Variants in LDLRAD3 observed in about 807,000 individuals in gnomAD.
LDLRAD3 encodes the protein low-density lipoprotein receptor class A domain-containing protein 3.
In LDLRAD3, 20 loss-of-function variants were observed where a neutral mutation model predicts 29.4. The observed-to-expected ratio is 0.68, with a 90% CI of 0.48 to 0.99. LDLRAD3 has a LOEUF of 0.99. LDLRAD3 is among the 50% of genes least tolerant of loss of function. LDLRAD3 has a pLI of 0.00. For synonymous variants in LDLRAD3, 157 were observed against 192.7 expected (o/e 0.81, Z 1.53); for missense variants, 420 against 454.3 (o/e 0.92, Z 0.69).
At chr11:35,962,335 TCCA>T (rs10532209) in intron 1 of LDLRAD3, among the ~76,000 whole-genome samples, 56,418 of 151,636 alleles carry the variant, frequency 0.37, 10,565 homozygotes, top group East Asian at 0.55. Context: ...TCTTCAGAAT[TCCA>T]GGTATATTTT....
chr11:36,124,515 G>T (rs1853806817), intron 4 of LDLRAD3, among the ~76,000 whole-genome samples: 2 of 152,028 alleles, frequency 1.3e-5, no homozygotes, highest in African/African-American at 4.8e-5. Flanking sequence ...CTTAACCACG[G>T]CTCTCCCAAC....
At chr11:36,145,382 G>A (rs1161479689) in intron 4 of LDLRAD3, among the ~76,000 whole-genome samples, 1 of 92,598 alleles carries the variant, frequency 1.1e-5, no homozygotes. Context: ...GGAGGGAGGT[G>A]GGGGGGTCAG....
chr11:36,054,384 C>G (rs1479061177), intron 2 of LDLRAD3, among the ~76,000 whole-genome samples: 1 of 152,174 alleles, frequency 6.6e-6, no homozygotes, highest in East Asian at 1.9e-4. Flanking sequence ...ATTTTAAAAA[C>G]AAAACAGTAC....
intron 4 of LDLRAD3, among the ~76,000 whole-genome samples, chr11:36,120,275 T>C (rs7107244): frequency 0.43 from 65,882 of 151,922 alleles, 15,114 homozygotes; most frequent in Admixed American, 0.51. Flanking sequence ...TTTAAATGGT[T>C]AGATCTCTTC....
At position 36,077,936 on chromosome 11, in the gene LDLRAD3, C is replaced by T. The variant is rs144290538; in HGVS notation, c.194-3717C>T. Among the ~76,000 whole-genome samples the T allele has an allele frequency of 3.0e-4, 45 of 152,240 alleles. No homozygotes were observed. In the East Asian group the frequency reaches 5.4e-3, roughly 18 times the overall value. ...TCCTGCATCCGGGAAGAATGAGGTA[C>T]GCAGACAAGTGGAGGGTGAGCAAGA... On this transcript the variant is annotated intron_variant, in intron 2 of 5. Coordinates refer to ENST00000315571, the MANE Select transcript of LDLRAD3 (RefSeq NM_174902.4).
chr11:35,959,160 C>T (rs887210927), intron 1 of LDLRAD3, among the ~76,000 whole-genome samples: 3 of 152,176 alleles, frequency 2.0e-5, no homozygotes, highest in Non-Finnish European at 2.9e-5. Context: ...CACAGCTCAG[C>T]GCAGCCGTAT....
At chr11:36,031,633 A>G (rs1369798715) in intron 1 of LDLRAD3, among the ~76,000 whole-genome samples, 1 of 152,178 alleles carries the variant, frequency 6.6e-6, no homozygotes, top group African/African-American at 2.4e-5. Flanking sequence ...TTCAGTCTAG[A>G]TGGAGAGACA....
At position 36,112,762 on chromosome 11, in the gene LDLRAD3, T is replaced by C. The variant is rs191801120; in HGVS notation, c.454+14301T>C. On this transcript the variant is annotated intron_variant, in intron 4 of 5. Transcript: ENST00000315571. ...CAGAATTCATAGTAGAGAGTGCTGG[T>C]CCACCTAGAGGCCAGCCCAAGAGGC... 8.3e-4 allele frequency among the ~76,000 whole-genome samples: 126 copies of C among 152,312 alleles called. 3 individuals carry two copies. The East Asian group carries it at 0.019, about 23-fold the overall frequency.
At chr11:35,968,080 A>G (rs1851364597) in intron 1 of LDLRAD3, 3 of 454,266 alleles carry the variant, frequency 6.6e-6, no homozygotes, top group South Asian at 1.6e-5. Context: ...TCTTTTTTAT[A>G]GTAGGAAGCC....
chr11:36,091,057 C>T (rs1055750762), intron 3 of LDLRAD3, among the ~76,000 whole-genome samples: 13 of 152,180 alleles, frequency 8.5e-5, no homozygotes, highest in African/African-American at 2.2e-4. Context: ...TGGGGCCAGG[C>T]GCCCTCTATC....
chr11:36,052,200 A>C (rs1040915879), intron 2 of LDLRAD3, among the ~76,000 whole-genome samples: 2 of 152,220 alleles, frequency 1.3e-5, no homozygotes, highest in Non-Finnish European at 2.9e-5. Context: ...GATGCATTGC[A>C]GTTAGTTTGG....
intron 2 of LDLRAD3, among the ~76,000 whole-genome samples, chr11:36,072,442 A>G (rs1392066): frequency 0.83 from 127,059 of 152,200 alleles, 53,272 homozygotes; most frequent in East Asian, 0.97. Flanking sequence ...CCCTTCCCAG[A>G]CAGATTGGGA....
intron 4 of LDLRAD3, among the ~76,000 whole-genome samples, chr11:36,212,146 C>A (rs1855290788): frequency 6.6e-6 from 1 of 152,086 alleles, no homozygotes; most frequent in Non-Finnish European, 1.5e-5. Context: ...CAGGAGCAGC[C>A]CAGGATATCA....
chr11:36,057,059 T>C (rs1852632179), intron 2 of LDLRAD3, among the ~76,000 whole-genome samples: 1 of 152,186 alleles, frequency 6.6e-6, no homozygotes, highest in Non-Finnish European at 1.5e-5. Context: ...TTTATGATTT[T>C]CAGGGAGCTA....
At chr11:36,228,988 G>A (rs563212236) in intron 5 of LDLRAD3, among the ~76,000 whole-genome samples, 172 bp from the exon 6 acceptor site, 12 of 152,354 alleles carry the variant, frequency 7.9e-5, no homozygotes, top group East Asian at 5.8e-4. Context: ...TTTCTGTTCC[G>A]ATGTGGTTCC....
chr11:36,192,857 G>C (rs927512203), intron 4 of LDLRAD3, among the ~76,000 whole-genome samples: 2 of 152,120 alleles, frequency 1.3e-5, no homozygotes, highest in Non-Finnish European at 2.9e-5. Context: ...GCACATGCTC[G>C]TGAGTATAGC....
At chr11:36,050,155 G>A (rs899213109) in intron 2 of LDLRAD3, among the ~76,000 whole-genome samples, 3 of 152,224 alleles carry the variant, frequency 2.0e-5, no homozygotes, top group Non-Finnish European at 2.9e-5. Context: ...GACACTGTTG[G>A]AGGAGTAAGT....
chr11:36,134,159 A>G (rs1853971019), intron 4 of LDLRAD3, among the ~76,000 whole-genome samples: 1 of 152,102 alleles, frequency 6.6e-6, no homozygotes, highest in African/African-American at 2.4e-5. Context: ...ACAAGGCAAA[A>G]ATCATAACAT....
intron 2 of LDLRAD3, among the ~76,000 whole-genome samples, chr11:36,061,141 TC>T (rs1852692106): frequency 6.6e-6 from 1 of 152,044 alleles, no homozygotes; most frequent in African/African-American, 2.4e-5. Flanking sequence ...GATGAGGAAA[TC>T]TTTTTTTTTC....
Sources: allele counts gnomAD v4.1 joint callset (sites outside exome capture counted in the v4.1 genomes callset), GRCh38; gene constraint gnomAD v4.1.1; transcripts MANE v1.5; gene names NCBI Gene and HGNC (gene_info 2026-07-23, HGNC 2026-07-21).